The following IKZF3 variants were observed in gnomAD, a reference collection of about 807,000 sequenced individuals.
The protein encoded by IKZF3 is IKAROS family zinc finger 3.
IKZF3 carries 10 observed loss-of-function variants against 49.0 expected under a neutral mutation model. The ratio of observed to expected loss-of-function variants is 0.20; its 90% CI spans 0.13 to 0.35. The LOEUF is 0.35. Ranked by LOEUF, IKZF3 falls within the 10% of genes least tolerant of loss-of-function variation. The pLI, the probability that IKZF3 is intolerant of heterozygous loss-of-function variation, is 1.00. For synonymous variants in IKZF3, 209 were observed against 228.2 expected, an observed-to-expected ratio of 0.92 and a Z score of 0.76; for missense variants, 498 against 664.8, an observed-to-expected ratio of 0.75 and a Z score of 2.76.
Position 39,762,935 on chromosome 17 carries a change from C to A in IKZF3, c.*2855G>T, listed in dbSNP as rs934562988. 2 of 152,154 alleles carry A rather than the reference C, an allele frequency of 1.3e-5. No homozygotes were observed. Among genetic ancestry groups the A allele is most frequent in the Non-Finnish European group, 2.9e-5 (2 of 68,018 alleles). The allele number at this position is 152,154 out of a possible 1,614,324, so 9.4% of individuals were successfully genotyped here. ...TTGGTCTCCTCTGCAAAGACTTGAA[C>A]ACTAATCTGGTGGAAAGGCTTCCTT... On this transcript the variant is annotated 3_prime_UTR_variant, in exon 8 of 8. Transcript: ENST00000346872.
intron 3 of IKZF3, among the ~76,000 whole-genome samples, chr17:39,829,095 C>T (rs2062034360): frequency 6.6e-6 from 1 of 152,058 alleles, no homozygotes; most frequent in South Asian, 2.1e-4. Flanking sequence ...AGAAAACACC[C>T]CAGACAAACT....
At chr17:39,831,015 A>G (rs1243852848) in intron 2 of IKZF3, among the ~76,000 whole-genome samples, 1 of 152,254 alleles carries the variant, frequency 6.6e-6, no homozygotes, top group East Asian at 1.9e-4. Flanking sequence ...ACAATGGTTC[A>G]CTTTTCTCAA....
Position 39,788,303 on chromosome 17 carries a change from C to T in IKZF3, c.664G>A (p.Glu222Lys). ...KQRSSLEEHKERCRTFLQSTD... is the reference protein window; with the variant it reads ...KQRSSLEEHKKRCRTFLQSTD... ...CTCTGAAGAAATGTACGGCAGCGCT[C>T]CTTGTGCTCCTCAAGGGAACTTCTC... Residue 222 changes from glutamate to lysine, a missense_variant, in exon 6 of 8, where the codon GAG becomes AAG. By Grantham distance (56) the Glu-to-Lys change is moderately conservative. Transcript: ENST00000346872. 6.2e-7 allele frequency: 1 copy of T among 1,613,920 alleles called. No homozygotes were observed. The highest frequency in any genetic ancestry group is 8.5e-7 in the Non-Finnish European group (1 of 1,179,894).
At chr17:39,813,045 G>A (rs988755942) in intron 3 of IKZF3, among the ~76,000 whole-genome samples, 1 of 151,880 alleles carries the variant, frequency 6.6e-6, no homozygotes, top group Non-Finnish European at 1.5e-5. Flanking sequence ...GAGCTTGCAG[G>A]GAGCCCAGTT....
chr17:39,794,225 T>C (rs1002697250), intron 3 of IKZF3, among the ~76,000 whole-genome samples: 1 of 152,202 alleles, frequency 6.6e-6, no homozygotes, highest in East Asian at 1.9e-4. Context: ...AACTTAAGCT[T>C]GAACTATCAA....
At chr17:39,798,887 T>C (rs1053575874) in intron 3 of IKZF3, among the ~76,000 whole-genome samples, 5 of 152,032 alleles carry the variant, frequency 3.3e-5, no homozygotes, top group Admixed American at 1.3e-4. Flanking sequence ...AGCTGGAAAA[T>C]AGCCTGCTCC....
intron 1 of IKZF3, among the ~76,000 whole-genome samples, chr17:39,849,119 T>C (rs1222461634): frequency 1.3e-5 from 2 of 152,136 alleles, no homozygotes; most frequent in Non-Finnish European, 2.9e-5. Flanking sequence ...GATAAAGTAT[T>C]TGTATTACAC....
At chr17:39,776,895 A>G (rs1364283655) in intron 7 of IKZF3, among the ~76,000 whole-genome samples, 1 of 152,248 alleles carries the variant, frequency 6.6e-6, no homozygotes, top group Non-Finnish European at 1.5e-5. Flanking sequence ...TTTTTGTTCA[A>G]TATCACCAAC....
At chr17:39,779,646 G>GTTTTTTTTTTT (rs138812490) in intron 6 of IKZF3, among the ~76,000 whole-genome samples, 2 of 117,816 alleles carry the variant, frequency 1.7e-5, no homozygotes, top group Non-Finnish European at 3.5e-5. Context: ...TATATTCTTT[G>GTTTTTTTTTTT]TTTTTTGTTT....
chr17:39,842,251 T>C (rs1224775027), intron 1 of IKZF3, among the ~76,000 whole-genome samples: 2 of 152,242 alleles, frequency 1.3e-5, no homozygotes, highest in East Asian at 3.9e-4. Flanking sequence ...GCATAGTGGC[T>C]CACTCCTATA....
At position 39,835,968 on chromosome 17, in the gene IKZF3, G is replaced by A. The variant is rs138706591; in HGVS notation, c.8-3817C>T. 2.3e-3 allele frequency: 1,445 copies of A among 637,446 alleles called. 4 individuals carry two copies. The highest frequency in any genetic ancestry group is 0.012 in the Middle Eastern group (26 of 2,184). The allele number at this position is 637,446 out of a possible 1,614,324, so 39.5% of individuals were successfully genotyped here. ...GCCTAGAGTGTCCAGCTGCCACGGAGGTTTGTTGATGTAGCTCTTGGACAT... is the reference window on the plus strand; with the variant it reads ...GCCTAGAGTGTCCAGCTGCCACGGAAGTTTGTTGATGTAGCTCTTGGACAT... On this transcript the variant is annotated intron_variant, in intron 1 of 7. Coordinates refer to ENST00000346872, the MANE Select transcript of IKZF3 (RefSeq NM_012481.5).
chr17:39,771,254 G>T lies in IKZF3; in HGVS notation c.827-4761C>A, dbSNP rs377390175. On this transcript the variant is annotated intron_variant, in intron 7 of 7. Coordinates refer to ENST00000346872, the MANE Select transcript of IKZF3 (RefSeq NM_012481.5). ...GAAAGGGGGCTTAGTGGCAGCAACTGCTTTTTCCACATGGACCAGCACATG... is the reference window on the plus strand; with the variant it reads ...GAAAGGGGGCTTAGTGGCAGCAACTTCTTTTTCCACATGGACCAGCACATG... 1.2e-3 allele frequency among the ~76,000 whole-genome samples: 183 copies of T among 152,342 alleles called. 7 individuals are homozygous for T. The South Asian group carries it at 0.037, about 30-fold the overall frequency.
In IKZF3 at chr17:39,794,713, C is replaced by G. The variant is rs571048972; in HGVS notation, c.164-1780G>C. On this transcript the variant is annotated intron_variant, in intron 3 of 7. Coordinates refer to ENST00000346872, the MANE Select transcript of IKZF3 (RefSeq NM_012481.5). ...ATCTGGATTATATAAGAAATGATAT[C>G]TGTTTCCTACTTGGAAAGAGGTTTA... Among the ~76,000 whole-genome samples, 5 of 152,334 alleles carry G rather than the reference C, an allele frequency of 3.3e-5. No homozygotes were observed. The East Asian group carries it at 9.6e-4, about 29-fold the overall frequency.
In IKZF3 at chr17:39,823,168, G is replaced by C. The variant is rs567806309; in HGVS notation, c.163+6219C>G. ...CGACCAAAATGCTGACAGTGATATG[G>C]ACAATGAAGTCCAGGCTGAGGTGGT... On this transcript the variant is annotated intron_variant, in intron 3 of 7. Coordinates refer to ENST00000346872, the MANE Select transcript of IKZF3 (RefSeq NM_012481.5). Among the ~76,000 whole-genome samples, 8 of 152,306 alleles carry C rather than the reference G, an allele frequency of 5.3e-5. No homozygotes were observed. The South Asian group carries it at 1.7e-3, about 32-fold the overall frequency.
chr17:39,807,906 G>A (rs980460746), intron 3 of IKZF3, among the ~76,000 whole-genome samples: 1 of 152,036 alleles, frequency 6.6e-6, no homozygotes, highest in African/African-American at 2.4e-5. Context: ...CTACAAACAA[G>A]TACAAAGGGT....
Position 39,766,426 on chromosome 17 carries a change from G to C in IKZF3, c.894C>G (p.Leu298=), listed in dbSNP as rs2060295371. Residue 298 remains leucine (L), a synonymous_variant, in exon 8 of 8, where the codon CTC becomes CTG. Coordinates refer to ENST00000346872, the MANE Select transcript of IKZF3 (RefSeq NM_012481.5). ...SSYMYEKESE[L]IQTRMMDQAI... Reference sequence around the variant, plus strand: ...CTTGGTCCATCATGCGGGTCTGTATGAGCTCACTCTCTTTCTCATACATGT... The same window carrying C: ...CTTGGTCCATCATGCGGGTCTGTATCAGCTCACTCTCTTTCTCATACATGT... The C allele has an allele frequency of 6.2e-7, 1 of 1,614,146 alleles. No individual in the cohort carries two copies. The highest frequency in any genetic ancestry group is 2.2e-5 in the East Asian group (1 of 44,884).
At chr17:39,772,622 CT>C (rs1483193848) in intron 7 of IKZF3, among the ~76,000 whole-genome samples, 1 of 152,114 alleles carries the variant, frequency 6.6e-6, no homozygotes, top group Non-Finnish European at 1.5e-5. Flanking sequence ...ACAGAGAGAG[CT>C]GTGGGGGTGG....
intron 1 of IKZF3, among the ~76,000 whole-genome samples, chr17:39,862,861 C>A (rs1436393580): frequency 6.6e-6 from 1 of 151,936 alleles, no homozygotes; most frequent in African/African-American, 2.4e-5. Flanking sequence ...TTCTTTATTG[C>A]ACATTAAATA....
chr17:39,836,795 CA>C (rs1230766268), intron 1 of IKZF3, among the ~76,000 whole-genome samples: 1 of 152,166 alleles, frequency 6.6e-6, no homozygotes, highest in Non-Finnish European at 1.5e-5. Context: ...CTATAGTTGT[CA>C]TATGTATCAC....
Sources: allele counts gnomAD v4.1 joint callset (sites outside exome capture counted in the v4.1 genomes callset), GRCh38; gene constraint gnomAD v4.1.1; transcripts MANE v1.5; gene names NCBI Gene and HGNC (gene_info 2026-07-23, HGNC 2026-07-21).